ZFAT: variants seen among roughly 807,000 people sequenced by gnomAD.
The protein encoded by ZFAT is zinc finger protein ZFAT.
Under a neutral mutation model 117.7 loss-of-function variants are expected in ZFAT, and 64 were observed. The ratio of observed to expected loss-of-function variants is 0.54; its 90% CI spans 0.44 to 0.67. The LOEUF is 0.67. Ranked by LOEUF, ZFAT falls within the 30% of genes least tolerant of loss-of-function variation. The pLI is 0.00. For synonymous variants in ZFAT, 679 were observed against 615.0 expected, an observed-to-expected ratio of 1.10 and a Z score of -1.54; for missense variants, 1,433 against 1,584.5, an observed-to-expected ratio of 0.90 and a Z score of 1.62.
At chr8:134,579,963 A>AAG (rs1825604557) in intron 10 of ZFAT, among the ~76,000 whole-genome samples, 1 of 151,460 alleles carries the variant, frequency 6.6e-6, no homozygotes, top group Admixed American at 6.6e-5. Context: ...GAACAAAAAA[A>AAG]AAAAAAAAAA....
the ZFAT span, among the ~76,000 whole-genome samples, chr8:134,817,489 A>G: frequency 6.6e-6 from 1 of 152,042 alleles, no homozygotes; most frequent in South Asian, 2.1e-4. Context: ...AGAGGCATAT[A>G]CGAGACCAAA....
intron 6 of ZFAT, 35 bp downstream of exon 6, chr8:134,601,442 G>T (rs781312331): frequency 1.3e-6 from 2 of 1,568,344 alleles, no homozygotes; most frequent in East Asian, 4.5e-5. Flanking sequence ...TGATGGTTGT[G>T]GACAGGGCCA....
At chr8:134,611,561 C>G (rs1024210785) in intron 3 of ZFAT, among the ~76,000 whole-genome samples, 5 of 152,124 alleles carry the variant, frequency 3.3e-5, no homozygotes, top group African/African-American at 1.2e-4. Context: ...TACATGGAGA[C>G]CAGTCAGGCC....
the ZFAT span, among the ~76,000 whole-genome samples, chr8:134,747,935 A>T: frequency 2.0e-5 from 3 of 152,264 alleles, no homozygotes; most frequent in East Asian, 5.8e-4. Context: ...AAATGTGGAT[A>T]ACAAGAATCA....
At chr8:134,671,089 T>G (rs987235818) in intron 1 of ZFAT, among the ~76,000 whole-genome samples, 9 of 151,988 alleles carry the variant, frequency 5.9e-5, no homozygotes, top group African/African-American at 9.7e-5. Context: ...AATAACAGGC[T>G]CTGAAATTGA....
At chr8:134,774,757 A>T in the ZFAT span, among the ~76,000 whole-genome samples, 80 of 152,292 alleles carry the variant, frequency 5.3e-4, no homozygotes, top group African/African-American at 1.7e-3. Context: ...ATTTCTTCCT[A>T]GCCTATCTTC....
intron 11 of ZFAT, among the ~76,000 whole-genome samples, chr8:134,541,291 G>C (rs1285034974): frequency 6.6e-6 from 1 of 152,138 alleles, no homozygotes; most frequent in Non-Finnish European, 1.5e-5. Flanking sequence ...AGGATTAATG[G>C]GTTGTCATGG....
chr8:134,603,551 A>T (rs1237037258), intron 5 of ZFAT, among the ~76,000 whole-genome samples: 7 of 152,216 alleles, frequency 4.6e-5, no homozygotes, highest in Non-Finnish European at 1.0e-4. Context: ...GCAAGTTTCC[A>T]TGTGAGGGCC....
chr8:134,654,987 C>T (rs531368681), intron 2 of ZFAT, among the ~76,000 whole-genome samples: 2 of 152,222 alleles, frequency 1.3e-5, no homozygotes, highest in Middle Eastern at 3.2e-3. Flanking sequence ...AAAAGTGTTC[C>T]TCAGGGTGAC....
chr8:134,512,703 C>T, intron 13 of ZFAT, 102 bp from the exon 14 acceptor site: 1 of 1,383,864 alleles, frequency 7.2e-7, no homozygotes, highest in Non-Finnish European at 9.7e-7. Flanking sequence ...TATAAGAAAG[C>T]AATACATTGC....
At chr8:134,794,431 C>G in the ZFAT span, 1 of 152,310 alleles carries the variant, frequency 6.6e-6, no homozygotes, top group Non-Finnish European at 1.5e-5. Flanking sequence ...TCTAATATAA[C>G]CTGCTCTATT....
chr8:134,543,463 C>A (rs1353002953), intron 11 of ZFAT, among the ~76,000 whole-genome samples: 1 of 152,272 alleles, frequency 6.6e-6, no homozygotes, highest in African/African-American at 2.4e-5. Flanking sequence ...ACTGAGAACA[C>A]TCCCCACCTG....
At chr8:134,747,349 C>T in the ZFAT span, among the ~76,000 whole-genome samples, 1 of 152,172 alleles carries the variant, frequency 6.6e-6, no homozygotes, top group Admixed American at 6.5e-5. Context: ...CTCAGCCTCC[C>T]AAAGTGCTGG....
the ZFAT span, among the ~76,000 whole-genome samples, chr8:134,731,934 T>C: frequency 1.4e-4 from 22 of 152,334 alleles, no homozygotes; most frequent in East Asian, 3.9e-3. Context: ...ATTATGCTTA[T>C]TTTTGTAGAT....
At chr8:134,672,801 G>C (rs1832622931) in intron 1 of ZFAT, among the ~76,000 whole-genome samples, 1 of 152,110 alleles carries the variant, frequency 6.6e-6, no homozygotes, top group Non-Finnish European at 1.5e-5. Context: ...AGGAATGGAG[G>C]GGAAATCAAG....
chr8:134,596,034 T>A (rs886540992), intron 7 of ZFAT, among the ~76,000 whole-genome samples: 1 of 152,180 alleles, frequency 6.6e-6, no homozygotes, highest in Non-Finnish European at 1.5e-5. Context: ...CCTGCTTCCA[T>A]CTCCAGGGTC....
At chr8:134,700,645 G>T (rs1175060325) in intron 1 of ZFAT, among the ~76,000 whole-genome samples, 1 of 152,238 alleles carries the variant, frequency 6.6e-6, no homozygotes, top group African/African-American at 2.4e-5. Context: ...GCTCTGGCCA[G>T]TCCGGGGGGA....
the ZFAT span, among the ~76,000 whole-genome samples, chr8:134,788,986 GT>G: frequency 6.6e-6 from 1 of 152,122 alleles, no homozygotes; most frequent in Admixed American, 6.5e-5. Context: ...TAAGCAACAT[GT>G]AGTAGGGAAT....
chr8:134,736,381 C>A, the ZFAT span, among the ~76,000 whole-genome samples: 2 of 152,140 alleles, frequency 1.3e-5, no homozygotes, highest in African/African-American at 4.8e-5. Context: ...GGGGATGCAA[C>A]CAAACACATC....
Sources: allele counts gnomAD v4.1 joint callset (sites outside exome capture counted in the v4.1 genomes callset), GRCh38; gene constraint gnomAD v4.1.1; transcripts MANE v1.5; gene names NCBI Gene and HGNC (gene_info 2026-07-23, HGNC 2026-07-21).